Variants in GNAQ observed in about 807,000 individuals in gnomAD.
GNAQ encodes G protein subunit alpha q.
In GNAQ, 8 loss-of-function variants were observed where a neutral mutation model predicts 43.9. The observed-to-expected ratio is 0.18, with a 90% CI of 0.11 to 0.33. GNAQ has a LOEUF of 0.33. GNAQ is among the 10% of genes least tolerant of loss of function. The pLI, the probability that GNAQ is intolerant of heterozygous loss-of-function variation, is 1.00. For missense variants in GNAQ, 158 were observed against 450.8 expected (o/e 0.35, Z 5.88); for synonymous variants, 155 against 170.7 (o/e 0.91, Z 0.71).
intron 2 of GNAQ, among the ~76,000 whole-genome samples, chr9:77,821,910 A>G (rs556583090): frequency 5.9e-5 from 9 of 152,320 alleles, no homozygotes; most frequent in African/African-American, 2.2e-4. Flanking sequence ...GGTCTGTATG[A>G]CTACTTTCAA....
Position 78,013,708 on chromosome 9 carries a change from C to T in GNAQ, c.136+17392G>A, listed in dbSNP as rs116908336. On this transcript the variant is annotated intron_variant, in intron 1 of 6. Coordinates refer to ENST00000286548, the MANE Select transcript of GNAQ (RefSeq NM_002072.5). ...AGACAGGAACAAAAAAGTTAATACA[C>T]GCAAATAAAATACCACAAAAAGCAG... is the stretch of plus-strand genomic sequence containing the variant. 8.3e-4 allele frequency among the ~76,000 whole-genome samples: 127 copies of T among 152,232 alleles called. 2 individuals are homozygous for T. The East Asian group carries it at 0.022, about 26-fold the overall frequency.
At chr9:77,847,332 A>C (rs559170291) in intron 2 of GNAQ, among the ~76,000 whole-genome samples, 15 of 152,224 alleles carry the variant, frequency 9.9e-5, no homozygotes, top group Non-Finnish European at 1.8e-4. Flanking sequence ...CACAGTAATA[A>C]CATAAACAAC....
intron 2 of GNAQ, among the ~76,000 whole-genome samples, chr9:77,861,580 T>C (rs183344842): frequency 6.6e-6 from 1 of 152,182 alleles, no homozygotes; most frequent in African/African-American, 2.4e-5. Context: ...CCATTCCAAA[T>C]GGGAGAAATT....
Position 77,742,631 on chromosome 9 carries a change from G to T in GNAQ, c.736-13964C>A, listed in dbSNP as rs77835498. Among the ~76,000 whole-genome samples, 745 of 150,824 alleles carry T rather than the reference G, an allele frequency of 4.9e-3. 2 individuals are homozygous for T. The highest frequency in any genetic ancestry group is 8.3e-3 in the Non-Finnish European group (564 of 67,784). On this transcript the variant is annotated intron_variant, in intron 5 of 6. Coordinates refer to ENST00000286548, the MANE Select transcript of GNAQ (RefSeq NM_002072.5). ...TAGGTAAGAAAATTGTACTGTGTTA[G>T]GAAGTTAAAAGATCTCTTCCAGTAG...
At chr9:77,898,846 T>A (rs1342664621) in intron 2 of GNAQ, among the ~76,000 whole-genome samples, 3 of 152,204 alleles carry the variant, frequency 2.0e-5, no homozygotes, top group African/African-American at 7.2e-5. Context: ...CTTTCTTGCA[T>A]ATATTGTTAT....
At chr9:78,019,960 A>C (rs1356451683) in intron 1 of GNAQ, among the ~76,000 whole-genome samples, 1 of 150,994 alleles carries the variant, frequency 6.6e-6, no homozygotes, top group Non-Finnish European at 1.5e-5. Flanking sequence ...AAGAGACTTT[A>C]GGAACCTTTA....
chr9:78,008,297 C>T (rs1823730889), intron 1 of GNAQ, among the ~76,000 whole-genome samples: 2 of 152,208 alleles, frequency 1.3e-5, no homozygotes, highest in South Asian at 4.1e-4. Context: ...CAGGAATCAT[C>T]ATACATCTGC....
chr9:77,873,025 C>T (rs1302427001), intron 2 of GNAQ, among the ~76,000 whole-genome samples: 1 of 152,120 alleles, frequency 6.6e-6, no homozygotes, highest in African/African-American at 2.4e-5. Context: ...GATTAGCAAG[C>T]GAATTTGTTT....
At chr9:77,763,613 T>C (rs1253652480) in intron 5 of GNAQ, among the ~76,000 whole-genome samples, 2 of 152,228 alleles carry the variant, frequency 1.3e-5, no homozygotes, top group Non-Finnish European at 2.9e-5. Flanking sequence ...GATTATTGTA[T>C]TGCGATGGAT....
At chr9:78,028,910 GT>G (rs1379513051) in intron 1 of GNAQ, among the ~76,000 whole-genome samples, 2 of 152,120 alleles carry the variant, frequency 1.3e-5, no homozygotes, top group Non-Finnish European at 2.9e-5. Flanking sequence ...TAGTATTCAT[GT>G]TGCAAAAGCA....
intron 2 of GNAQ, among the ~76,000 whole-genome samples, chr9:77,916,779 C>G (rs1189925011): frequency 2.0e-5 from 3 of 151,704 alleles, no homozygotes; most frequent in African/African-American, 7.3e-5. Context: ...AAAAAAGGTG[C>G]AACTGTCCAC....
At chr9:77,852,973 C>T (rs746629787) in intron 2 of GNAQ, among the ~76,000 whole-genome samples, 1 of 152,160 alleles carries the variant, frequency 6.6e-6, no homozygotes, top group Non-Finnish European at 1.5e-5. Flanking sequence ...ATGGTTCTCT[C>T]AGCATAAACC....
intron 1 of GNAQ, among the ~76,000 whole-genome samples, chr9:77,923,121 C>T (rs1470795651): frequency 2.0e-5 from 3 of 152,002 alleles, no homozygotes; most frequent in African/African-American, 7.3e-5. Context: ...CTTCCAACAC[C>T]CAGCCCATTT....
intron 2 of GNAQ, 105 bp downstream of exon 2, chr9:77,922,056 A>C (rs908417560): frequency 1.0e-5 from 6 of 593,610 alleles, no homozygotes; most frequent in Middle Eastern, 4.7e-4. Context: ...ATATTTCCAA[A>C]CCCCCCTATG....
chr9:77,737,100 G>C (rs1000609353), intron 5 of GNAQ, among the ~76,000 whole-genome samples: 1 of 152,122 alleles, frequency 6.6e-6, no homozygotes, highest in African/African-American at 2.4e-5. Flanking sequence ...GTATTTAACG[G>C]TTTGTGTATT....
In GNAQ at chr9:77,716,561, C is replaced by T. The variant is rs936058110; in HGVS notation, c.*4762G>A. On this transcript the variant is annotated 3_prime_UTR_variant, in exon 7 of 7. Coordinates refer to ENST00000286548, the MANE Select transcript of GNAQ (RefSeq NM_002072.5). ...GAGTTCTTTGAGGAAAAGAAATCCACCAAAAACGTGTTTCAGTCAAAGTAA... is the reference window on the plus strand; with the variant it reads ...GAGTTCTTTGAGGAAAAGAAATCCATCAAAAACGTGTTTCAGTCAAAGTAA... The T allele has an allele frequency of 4.3e-6, 1 of 232,698 alleles. No homozygotes were observed. The highest frequency in any genetic ancestry group is 8.5e-6 in the Non-Finnish European group (1 of 117,816). The allele number at this position is 232,698 out of a possible 1,614,324, so 14.4% of individuals were successfully genotyped here.
chr9:77,904,316 G>GGTTTTTT (rs1564146679), intron 2 of GNAQ, among the ~76,000 whole-genome samples: 1 of 103,256 alleles, frequency 9.7e-6, no homozygotes, highest in African/African-American at 3.8e-5. Context: ...GTTCACACCG[G>GGTTTTTT]CTTTTTTTTT....
chr9:77,953,835 T>A (rs1044408621), intron 1 of GNAQ, among the ~76,000 whole-genome samples: 1 of 152,158 alleles, frequency 6.6e-6, no homozygotes, highest in African/African-American at 2.4e-5. Flanking sequence ...TACAAAGAAC[T>A]CTGCACAGGT....
At chr9:77,998,878 G>A (rs1180298674) in intron 1 of GNAQ, among the ~76,000 whole-genome samples, 3 of 151,978 alleles carry the variant, frequency 2.0e-5, no homozygotes, top group Non-Finnish European at 4.4e-5. Context: ...CCTGAGGTCA[G>A]GAGTTCAAGA....
Sources: gnomAD v4.1 joint callset for allele counts (sites outside exome capture counted in the v4.1 genomes callset) on GRCh38, gnomAD v4.1.1 for gene constraint, MANE v1.5 for transcripts, NCBI Gene and HGNC (gene_info 2026-07-23, HGNC 2026-07-21) for gene names.